The following SYNE2 variants were observed in gnomAD, a reference collection of about 807,000 sequenced individuals.
SYNE2 encodes nesprin-2.
A neutral mutation model predicts 856.3 loss-of-function variants in SYNE2; 431 were observed. That is an observed-to-expected ratio of 0.50 (90% CI 0.47 to 0.55). The LOEUF is 0.55. Ranked by LOEUF, SYNE2 falls within the 20% of genes least tolerant of loss-of-function variation. The pLI, the probability that SYNE2 is intolerant of heterozygous loss-of-function variation, is 0.00. For synonymous variants in SYNE2, 2,923 were observed against 2,872.3 expected, an observed-to-expected ratio of 1.02 and a Z score of -0.56; for missense variants, 8,129 against 8,023.2, an observed-to-expected ratio of 1.01 and a Z score of -0.50.
intron 87 of SYNE2, among the ~76,000 whole-genome samples, chr14:64,161,518 A>C (rs2098329644): frequency 6.6e-6 from 1 of 152,176 alleles, no homozygotes. Context: ...ATATCTCTAT[A>C]AACTGGGAGC....
intron 1 of SYNE2, among the ~76,000 whole-genome samples, chr14:63,840,666 C>A (rs567248062): frequency 6.6e-6 from 1 of 152,106 alleles, no homozygotes; most frequent in African/African-American, 2.4e-5. Flanking sequence ...TTCTGTTCAT[C>A]GCCATTACAT....
chr14:64,063,042 G>C, intron 50 of SYNE2, 147 bp downstream of exon 50: 1 of 990,880 alleles, frequency 1.0e-6, no homozygotes, highest in Middle Eastern at 2.2e-4. Context: ...CAAATCGAAA[G>C]CCAGAGAGTA....
In SYNE2 at chr14:63,767,430, T is replaced by G. The variant is rs549842816; in HGVS notation, c.-305+5444T>G. Among the ~76,000 whole-genome samples, 37 of 152,286 alleles carry G rather than the reference T, an allele frequency of 2.4e-4. No individual in the cohort carries two copies. In the South Asian group the frequency reaches 6.8e-3, roughly 28 times the overall value. ...CGGCCAATTTTTTATTTTTTAAATT[T>G]TTCTTAGTTTTTTAAAATTGTGCAT... is the stretch of plus-strand genomic sequence containing the variant. On this transcript the variant is annotated intron_variant, in intron 1 of 23. Coordinates refer to the SYNE2 transcript ENST00000674003.
intron 6 of SYNE2, among the ~76,000 whole-genome samples, chr14:63,948,686 GTGTGTATA>G (rs2096076387): frequency 4.4e-5 from 5 of 113,888 alleles, no homozygotes; most frequent in African/African-American, 1.7e-4. Flanking sequence ...ATATATATAT[GTGTGTATA>G]TATATATATA....
At chr14:63,944,824 C>CTTTTTGTTTTTTTTTTTTTTTTTT in intron 6 of SYNE2, among the ~76,000 whole-genome samples, 1 of 46,932 alleles carries the variant, frequency 2.1e-5, no homozygotes. Flanking sequence ...GGGCTTAAAG[C>CTTTTTGTTTTTTTTTTTTTTTTTT]TTTTTTTTTT....
Position 64,065,495 on chromosome 14 carries a change from C to T in SYNE2, c.10276C>T (p.Leu3426Phe), listed in dbSNP as rs772601913. Reference protein sequence around the residue: ...ELMKLRQILRLLRLRCTENDG... With the variant: ...ELMKLRQILRFLRLRCTENDG... ...AATGAAACTACGACAGATCCTTAGACTCTTGAGACTCAGGTGCACAGAAAA... is the reference window on the plus strand; with the variant it reads ...AATGAAACTACGACAGATCCTTAGATTCTTGAGACTCAGGTGCACAGAAAA... The change falls in exon 51 of 116, where the codon CTC becomes TTC. Residue 3426 changes from leucine to phenylalanine, a missense_variant. Transcript: ENST00000555002. 2 of 1,614,070 alleles carry T rather than the reference C, an allele frequency of 1.2e-6. No homozygotes were observed. The highest frequency in any genetic ancestry group is 4.5e-5 in the East Asian group (2 of 44,878).
intron 1 of SYNE2, among the ~76,000 whole-genome samples, chr14:63,895,271 A>G (rs2095227762): frequency 6.9e-6 from 1 of 144,182 alleles, no homozygotes; most frequent in South Asian, 2.2e-4. Flanking sequence ...CCCCTGGCTA[A>G]TTTTTTTTTT....
chr14:64,159,178 C>T (rs2098309674), intron 86 of SYNE2, 134 bp from the exon 87 acceptor site: 4 of 1,239,418 alleles, frequency 3.2e-6, no homozygotes, highest in East Asian at 2.4e-5. Context: ...GTTTTCTTCA[C>T]ATTCCTAATA....
chr14:63,969,335 ATTTTTTTT>A (rs150514197), intron 11 of SYNE2, among the ~76,000 whole-genome samples: 4 of 81,644 alleles, frequency 4.9e-5, no homozygotes, highest in East Asian at 3.1e-4. Flanking sequence ...TGCCTGGCTA[ATTTTTTTT>A]TTTTTTTTTT....
At chr14:63,957,705 T>C (rs2096258403) in intron 8 of SYNE2, among the ~76,000 whole-genome samples, 1 of 152,036 alleles carries the variant, frequency 6.6e-6, no homozygotes, top group Non-Finnish European at 1.5e-5. Flanking sequence ...CTATCTCTAC[T>C]AAAAATACAA....
intron 1 of SYNE2, among the ~76,000 whole-genome samples, chr14:63,797,384 C>T (rs981642328): frequency 6.6e-6 from 1 of 151,992 alleles, no homozygotes; most frequent in Non-Finnish European, 1.5e-5. Flanking sequence ...GAGTGAGACT[C>T]AGTCTCAAAA....
Position 63,990,427 on chromosome 14 carries a change from G to T in SYNE2, c.2330G>T (p.Gly777Val), listed in dbSNP as rs763709769. 6.2e-7 allele frequency: 1 copy of T among 1,613,034 alleles called. No homozygotes were observed. Among genetic ancestry groups the T allele is most frequent in the Non-Finnish European group, 8.5e-7 (1 of 1,179,862 alleles). ...EESLKHLIAK[G>V]SMFDELMARS... The stretch of plus-strand genomic sequence containing the variant: ...TTTTAATAGCATCTTATTGCCAAAG[G>T]CTCTATGTTTGATGAGCTTATGGCA... The change falls in exon 20 of 116, where the codon GGC becomes GTC. Residue 777 changes from glycine to valine, a missense_variant. Physicochemically the swap from Gly to Val is moderately radical, Grantham distance 109. Coordinates refer to ENST00000555002, the MANE Select transcript of SYNE2 (RefSeq NM_182914.3).
At chr14:64,138,737 A>G (rs1305027506) in intron 79 of SYNE2, among the ~76,000 whole-genome samples, 1 of 152,216 alleles carries the variant, frequency 6.6e-6, no homozygotes, top group Non-Finnish European at 1.5e-5. Context: ...CGTGTGAGGA[A>G]GGAGGAGAAC....
chr14:63,896,652 AGGCCGAGT>A (rs2095257275), intron 1 of SYNE2, among the ~76,000 whole-genome samples: 1 of 152,216 alleles, frequency 6.6e-6, no homozygotes, highest in African/African-American at 2.4e-5. Flanking sequence ...TGATTGCCCA[AGGCCGAGT>A]GGTCAGTGGA....
intron 1 of SYNE2, among the ~76,000 whole-genome samples, chr14:63,763,259 C>G (rs556404120): frequency 6.6e-6 from 1 of 152,330 alleles, no homozygotes; most frequent in Non-Finnish European, 1.5e-5. Context: ...TGAGCCACCA[C>G]GCCTGGCCAA....
intron 1 of SYNE2, among the ~76,000 whole-genome samples, chr14:63,822,377 C>T (rs1233184927): frequency 6.6e-6 from 1 of 152,138 alleles, no homozygotes; most frequent in African/African-American, 2.4e-5. Context: ...TGTGGCAGCT[C>T]CCTGAAAATC....
chr14:64,138,997 T>C (rs2098120056), intron 79 of SYNE2, among the ~76,000 whole-genome samples: 3 of 151,148 alleles, frequency 2.0e-5, no homozygotes, highest in Middle Eastern at 3.4e-3. Context: ...TTTTATTTAT[T>C]TTTTGAGACA....
intron 78 of SYNE2, among the ~76,000 whole-genome samples, chr14:64,135,024 T>C (rs2098073041): frequency 8.4e-6 from 1 of 119,098 alleles, no homozygotes; most frequent in Non-Finnish European, 1.6e-5. Context: ...TTTTAAACTT[T>C]TTTGTGTAAC....
intron 1 of SYNE2, among the ~76,000 whole-genome samples, chr14:63,786,599 A>ATGAGGACCCAACTCTATT (rs1207776688): frequency 1.3e-5 from 2 of 152,150 alleles, no homozygotes; most frequent in African/African-American, 4.8e-5. Flanking sequence ...CCTATTGCAG[A>ATGAGGACCCAACTCTATT]TGAGGACCCA....
Sources: gnomAD v4.1 joint callset for allele counts (sites outside exome capture counted in the v4.1 genomes callset) on GRCh38, gnomAD v4.1.1 for gene constraint, MANE v1.5 for transcripts, NCBI Gene and HGNC (gene_info 2026-07-23, HGNC 2026-07-21) for gene names.